Variants in TFPT observed in about 807,000 individuals in gnomAD.
TFPT encodes INO80 complex subunit F.
In TFPT, 27 loss-of-function variants were observed where a neutral mutation model predicts 28.8. That is an observed-to-expected ratio of 0.94 (90% CI 0.69 to 1.29). The LOEUF (loss-of-function observed/expected upper bound fraction) is 1.29. Ranked by LOEUF, TFPT falls within the 50% of genes most tolerant of loss-of-function variation. TFPT has a pLI of 0.00. For synonymous variants in TFPT, 152 were observed against 142.8 expected (o/e 1.06, Z -0.46); for missense variants, 330 against 338.0 (o/e 0.98, Z 0.19).
At position 54,114,503 on chromosome 19, in the gene TFPT, T is replaced by C. The variant is rs746834418; in HGVS notation, c.221A>G (p.Gln74Arg). ...GTACTTTCTGCGATTTAATTCCCGC[T>C]GGCGCCGCCGCCGACCCCGGGCTGC... ...EEAARGRRRR[Q>R]RELNRRKYQA... The change falls in exon 2 of 6, where the codon CAG becomes CGG. Residue 74 changes from glutamine to arginine, a missense_variant. Coordinates refer to ENST00000391759, the MANE Select transcript of TFPT (RefSeq NM_013342.4). 33 of 1,613,948 alleles carry C rather than the reference T, an allele frequency of 2.0e-5. No homozygotes were observed. The South Asian group carries it at 3.6e-4, about 18-fold the overall frequency.
chr19:54,112,868 A>G (rs1272519336), intron 2 of TFPT, among the ~76,000 whole-genome samples: 5 of 151,638 alleles, frequency 3.3e-5, no homozygotes, highest in Admixed American at 2.0e-4. Flanking sequence ...TGAGGTGGGC[A>G]GATCACCTGA....
intron 2 of TFPT, among the ~76,000 whole-genome samples, chr19:54,110,608 G>A (rs2073426394): frequency 6.6e-6 from 1 of 152,060 alleles, no homozygotes; most frequent in Admixed American, 6.6e-5. Context: ...GGTGCCTGCA[G>A]GATAGTCGCA....
rs1322123023 is a variant in TFPT at position 54,108,220 on chromosome 19, C to T, written c.448G>A (p.Ala150Thr). 1.9e-6 allele frequency: 3 copies of T among 1,594,668 alleles called. No individual in the cohort carries two copies. The highest frequency in any genetic ancestry group is 1.7e-4 in the Middle Eastern group (1 of 6,010). The change falls in exon 5 of 6, where the codon GCC (alanine) becomes ACC (threonine). Residue 150 changes from alanine to threonine, a missense_variant. Coordinates refer to ENST00000391759, the MANE Select transcript of TFPT (RefSeq NM_013342.4). The stretch of plus-strand genomic sequence containing the variant: ...TTCTCCGCATTGCCTGGGGTGGGGG[C>T]ATCCGTGCCCTGGCTGCCCTCATCC... The part of the protein sequence containing the change: ...LEDEGSQGTD[A>T]PTPGNAENEP...
intron 1 of TFPT, among the ~76,000 whole-genome samples, 157 bp from the exon 2 acceptor site, chr19:54,114,857 C>A (rs1423957610): frequency 7.9e-6 from 1 of 126,524 alleles, no homozygotes; most frequent in Non-Finnish European, 1.7e-5. Flanking sequence ...CAGCTCCCAG[C>A]CCTCCTCCCT....
intron 3 of TFPT, chr19:54,108,704 C>T: frequency 9.5e-7 from 1 of 1,047,640 alleles, no homozygotes; most frequent in Non-Finnish European, 1.3e-6. Context: ...AATGTGATGT[C>T]AGCACTTAGT....
intron 2 of TFPT, among the ~76,000 whole-genome samples, chr19:54,113,250 C>T (rs1047420923): frequency 1.3e-5 from 2 of 151,988 alleles, no homozygotes; most frequent in African/African-American, 2.4e-5. Context: ...GGGCCCTAAT[C>T]CAGTATGACT....
Position 54,114,974 on chromosome 19 carries a change from C to G in TFPT, c.23+273G>C, listed in dbSNP as rs1421624386. ...AAGAGTCCAGACCTCCAGACTTTTT[C>G]TCTCCAAGGACCCAGGGAGTCCAAG... On this transcript the variant is annotated intron_variant, in intron 1 of 5. Transcript: ENST00000391759. The G allele has an allele frequency of 4.5e-6, 3 of 661,358 alleles. No homozygotes were observed. In the East Asian group the frequency reaches 8.3e-5, roughly 18 times the overall value. The allele number at this position is 661,358 out of a possible 1,614,324, so 41.0% of individuals were successfully genotyped here. A position where few individuals can be genotyped will look rare whatever the true frequency, so the allele number is the denominator to read the frequency against.
chr19:54,108,112 C>T lies in TFPT; in HGVS notation c.556G>A (p.Gly186Arg), dbSNP rs2073330412. The change falls in exon 5 of 6, where the codon GGG becomes AGG. Residue 186 changes from glycine (G) to arginine (R), a missense_variant. Physicochemically the swap from Gly to Arg is moderately radical, Grantham distance 125. Coordinates refer to ENST00000391759, the MANE Select transcript of TFPT (RefSeq NM_013342.4). ...PEPGSPAPGE[G>R]PSGRKRRRVP... is the part of the protein sequence containing the mutation. Reference sequence around the variant, plus strand: ...CGCCGCCTCTTCCGCCCACTGGGCCCCTCACCGGGGGCTGGGCTGCCGGGT... The same window carrying T: ...CGCCGCCTCTTCCGCCCACTGGGCCTCTCACCGGGGGCTGGGCTGCCGGGT... 5.1e-6 allele frequency: 8 copies of T among 1,574,864 alleles called. No homozygotes were observed. The highest frequency in any genetic ancestry group is 6.9e-6 in the Non-Finnish European group (8 of 1,160,116).
At chr19:54,112,786 C>T (rs1310000787) in intron 2 of TFPT, among the ~76,000 whole-genome samples, 3 of 151,772 alleles carry the variant, frequency 2.0e-5, no homozygotes, top group Non-Finnish European at 4.4e-5. Flanking sequence ...GAGAACCTGT[C>T]TCAAGAAAGA....
At chr19:54,114,895 C>T in intron 1 of TFPT, 195 bp from the exon 2 acceptor site, 1 of 764,038 alleles carries the variant, frequency 1.3e-6, no homozygotes, top group Non-Finnish European at 2.0e-6. Flanking sequence ...GTCCGCAACC[C>T]ACCCTTCGCA....
At position 54,115,436 on chromosome 19, in the gene TFPT, G is replaced by A. The variant is rs1158595139; in HGVS notation, c.-167C>T. 16 of 887,292 alleles carry A rather than the reference G, an allele frequency of 1.8e-5. No homozygotes were observed. Among genetic ancestry groups the A allele is most frequent in the Non-Finnish European group, 2.6e-5 (15 of 573,506 alleles). 55.0% of individuals were successfully genotyped at this position (887,292 alleles called of 1,614,324 possible). ...AGTTTCCTGTTTCCGGCTTCGCTTCGGCCCACCCCCACGTCCACCCCGAAT... is the reference window on the plus strand; with the variant it reads ...AGTTTCCTGTTTCCGGCTTCGCTTCAGCCCACCCCCACGTCCACCCCGAAT... On this transcript the variant is annotated 5_prime_UTR_variant, in exon 1 of 6. Transcript: ENST00000391759.
intron 2 of TFPT, among the ~76,000 whole-genome samples, chr19:54,113,354 C>T (rs928392543): frequency 1.3e-5 from 2 of 151,996 alleles, no homozygotes; most frequent in South Asian, 2.1e-4. Context: ...GATGTTTGTA[C>T]GTGCCAATGA....
chr19:54,115,019 G>T (rs1270910557), intron 1 of TFPT: 2 of 701,826 alleles, frequency 2.8e-6, no homozygotes, highest in African/African-American at 3.6e-5. Context: ...TCAACCAGAC[G>T]CAAGAGTCCT....
intron 3 of TFPT, 40 bp from the exon 4 acceptor site, chr19:54,108,435 C>T (rs2073348403): frequency 6.2e-7 from 1 of 1,613,906 alleles, no homozygotes; most frequent in African/African-American, 1.3e-5. Context: ...TAACTTATCT[C>T]CTAGCGGCTG....
At chr19:54,111,497 T>TAAAA (rs11304668) in intron 2 of TFPT, among the ~76,000 whole-genome samples, 1 of 111,092 alleles carries the variant, frequency 9.0e-6, no homozygotes, top group Non-Finnish European at 1.9e-5. Context: ...TCATCTCTAC[T>TAAAA]AAAAAAAAAA....
intron 2 of TFPT, among the ~76,000 whole-genome samples, chr19:54,112,887 G>C (rs1329329232): frequency 6.6e-6 from 1 of 152,098 alleles, no homozygotes; most frequent in African/African-American, 2.4e-5. Flanking sequence ...GAGGTCAGGA[G>C]TTTGAGACCA....
At position 54,108,025 on chromosome 19, in the gene TFPT, C is replaced by T; in HGVS notation, c.642+1G>A. 6.6e-7 allele frequency: 1 copy of T among 1,518,410 alleles called. No homozygotes were observed. The highest frequency in any genetic ancestry group is 8.8e-7 in the Non-Finnish European group (1 of 1,134,362). 94.1% of individuals were successfully genotyped at this position (1,518,410 alleles called of 1,614,324 possible). A position where few individuals can be genotyped will look rare whatever the true frequency, so the allele number is the denominator to read the frequency against. On this transcript the variant is annotated splice_donor_variant, in intron 5 of 5. Transcript: ENST00000391759. LOFTEE classifies it high-confidence loss of function. ...TCCCCTTGAGTTCCCGCCTTCCTCA[C>T]CTGCACCGGGGCCAGCTCTGGAGTC... is the stretch of plus-strand genomic sequence containing the variant.
In TFPT at chr19:54,114,521, C is replaced by CG. The variant is rs762172034; in HGVS notation, c.202dup (p.Arg68ProfsTer63). 1.2e-6 allele frequency: 2 copies of CG among 1,613,996 alleles called. No homozygotes were observed. The highest frequency in any genetic ancestry group is 8.5e-7 in the Non-Finnish European group (1 of 1,180,012). ...TTCCCGCTGGCGCCGCCGCCGACCC[C>CG]GGGCTGCCTCTTCCTCTTCATCTCG... On this transcript the variant is annotated frameshift_variant, in exon 2 of 6. Transcript: ENST00000391759. LOFTEE classifies it high-confidence loss of function.
At chr19:54,110,551 A>G (rs1182384743) in intron 2 of TFPT, among the ~76,000 whole-genome samples, 1 of 151,860 alleles carries the variant, frequency 6.6e-6, no homozygotes, top group East Asian at 1.9e-4. Flanking sequence ...ACATGATGAA[A>G]CCCCATCTCT....
Sources: gnomAD v4.1 joint callset for allele counts (sites outside exome capture counted in the v4.1 genomes callset) on GRCh38, gnomAD v4.1.1 for gene constraint, MANE v1.5 for transcripts, NCBI Gene and HGNC (gene_info 2026-07-23, HGNC 2026-07-21) for gene names.